The following GLDC variants were observed in gnomAD, a reference collection of about 807,000 sequenced individuals.
The protein encoded by GLDC is glycine decarboxylase.
In GLDC, 104 loss-of-function variants were observed where a neutral mutation model predicts 121.3. The ratio of observed to expected loss-of-function variants is 0.86; its 90% CI spans 0.73 to 1.01. The LOEUF is 1.01. GLDC is among the 50% of genes least tolerant of loss of function. The pLI, the probability that GLDC is intolerant of heterozygous loss-of-function variation, is 0.00. For missense variants in GLDC, 1,429 were observed against 1,306.6 expected (o/e 1.09, Z -1.44); for synonymous variants, 546 against 480.6 (o/e 1.14, Z -1.78).
intron 23 of GLDC, among the ~76,000 whole-genome samples, chr9:6,535,058 G>A (rs541744761): frequency 6.6e-5 from 10 of 152,054 alleles, no homozygotes; most frequent in Non-Finnish European, 2.9e-5. Flanking sequence ...TTACCTACAC[G>A]TTTGGTGCTG....
chr9:6,546,364 T>TA lies in GLDC; in HGVS notation c.2569+4438_2569+4439insT, dbSNP rs2129688853. The stretch of plus-strand genomic sequence containing the variant: ...TGCACCACCATGGTGGTTAATTTTT[T>TA]CTTTTTTTTTTTTTTTGGAAGAGAC... On this transcript the variant is annotated intron_variant, in intron 21 of 24. Coordinates refer to ENST00000321612, the MANE Select transcript of GLDC (RefSeq NM_000170.3). Among the ~76,000 whole-genome samples, 4 of 140,422 alleles carry TA rather than the reference T, an allele frequency of 2.8e-5. No individual in the cohort carries two copies. In the East Asian group the frequency reaches 1.0e-3, roughly 36 times the overall value. 92.1% of individuals were successfully genotyped at this position (140,422 alleles called of 152,430 possible). A position where few individuals can be genotyped will look rare whatever the true frequency, so the allele number is the denominator to read the frequency against.
chr9:6,606,546 G>A (rs753709412), intron 5 of GLDC, 46 bp downstream of exon 5: 10 of 1,059,726 alleles, frequency 9.4e-6, no homozygotes, highest in Non-Finnish European at 1.2e-5. Flanking sequence ...CAGCAGAGAT[G>A]AACATGACAT....
chr9:6,623,058 G>A (rs988958419), intron 2 of GLDC: 5 of 177,110 alleles, frequency 2.8e-5, no homozygotes, highest in South Asian at 1.7e-4. Context: ...CTGCCCCGCC[G>A]CCCCTACGGG....
chr9:6,576,596 A>G (rs1818070309), intron 15 of GLDC, among the ~76,000 whole-genome samples: 1 of 151,966 alleles, frequency 6.6e-6, no homozygotes, highest in African/African-American at 2.4e-5. Flanking sequence ...CCTCCCGAGT[A>G]GCTGGGATTA....
intron 14 of GLDC, among the ~76,000 whole-genome samples, chr9:6,587,968 G>A (rs890605058): frequency 3.3e-5 from 5 of 152,026 alleles, no homozygotes; most frequent in East Asian, 1.9e-4. Context: ...CCACAACAGC[G>A]AGTTGCACAA....
rs1224472502 is a variant in GLDC at position 6,558,237 on chromosome 9, T to C, written c.2052+322A>G. The C allele has an allele frequency of 5.2e-6, 3 of 579,394 alleles. No individual in the cohort carries two copies. The African/African-American group carries it at 5.6e-5, about 11-fold the overall frequency. 35.9% of individuals were successfully genotyped at this position (579,394 alleles called of 1,614,324 possible). On this transcript the variant is annotated intron_variant, in intron 17 of 24. Transcript: ENST00000321612. ...AATTCCTGACACGAAGATGTGTAAG[T>C]GTGACTGCCATTTTGATTATTAAGT...
At chr9:6,617,933 G>A (rs535411146) in intron 3 of GLDC, among the ~76,000 whole-genome samples, 9 of 152,182 alleles carry the variant, frequency 5.9e-5, no homozygotes, top group Non-Finnish European at 1.3e-4. Flanking sequence ...AGTAAAGTTG[G>A]TTTTTACATA....
At chr9:6,617,626 C>T (rs541530074) in intron 3 of GLDC, among the ~76,000 whole-genome samples, 1 of 152,180 alleles carries the variant, frequency 6.6e-6, no homozygotes, top group African/African-American at 2.4e-5. Context: ...TTTTCCTGTC[C>T]CCTTATTAAT....
chr9:6,542,483 C>CA (rs1375144244), intron 21 of GLDC: 1 of 152,178 alleles, frequency 6.6e-6, no homozygotes, highest in Non-Finnish European at 1.5e-5. Flanking sequence ...GTGATCCCCC[C>CA]ACCTCAGCCT....
At chr9:6,617,118 G>C (rs1291790392) in intron 3 of GLDC, among the ~76,000 whole-genome samples, 1 of 152,204 alleles carries the variant, frequency 6.6e-6, no homozygotes, top group African/African-American at 2.4e-5. Context: ...GAATTTGTTG[G>C]TTCCATCTCT....
intron 4 of GLDC, among the ~76,000 whole-genome samples, chr9:6,606,928 C>T (rs896287375): frequency 4.6e-5 from 7 of 151,940 alleles, no homozygotes; most frequent in Middle Eastern, 3.4e-3. Context: ...CAAAATTAGC[C>T]GGTGCATGCC....
chr9:6,577,400 T>C (rs892137009), intron 15 of GLDC, among the ~76,000 whole-genome samples: 1 of 152,200 alleles, frequency 6.6e-6, no homozygotes, highest in Non-Finnish European at 1.5e-5. Flanking sequence ...AGGGCAAGCT[T>C]CAAAGCCAAC....
intron 2 of GLDC, among the ~76,000 whole-genome samples, chr9:6,624,259 A>G (rs2773502): frequency 0.32 from 48,748 of 152,008 alleles, 8,287 homozygotes; most frequent in East Asian, 0.51. Flanking sequence ...GTACCTCTGA[A>G]TATAACCTTA....
chr9:6,579,945 G>A (rs1257426928), intron 15 of GLDC, among the ~76,000 whole-genome samples: 2 of 152,204 alleles, frequency 1.3e-5, no homozygotes, highest in Admixed American at 1.3e-4. Flanking sequence ...TTCAGCAGCA[G>A]AACCAGTCTG....
At chr9:6,584,565 T>A (rs1818231214) in intron 15 of GLDC, among the ~76,000 whole-genome samples, 1 of 152,242 alleles carries the variant, frequency 6.6e-6, no homozygotes, top group African/African-American at 2.4e-5. Context: ...CACTTATATA[T>A]GGAATATGTG....
chr9:6,538,418 T>C (rs1343283294), intron 22 of GLDC, among the ~76,000 whole-genome samples: 3 of 152,218 alleles, frequency 2.0e-5, no homozygotes, highest in African/African-American at 7.2e-5. Context: ...AGAAGCTGCG[T>C]GTTAAATATA....
At chr9:6,585,087 T>TC (rs1818241845) in intron 15 of GLDC, 1 of 152,178 alleles carries the variant, frequency 6.6e-6, no homozygotes, top group East Asian at 1.9e-4. Flanking sequence ...AGATTATGAT[T>TC]CAATCTGGGA....
At chr9:6,594,896 C>T in intron 9 of GLDC, 118 bp downstream of exon 9, 1 of 737,990 alleles carries the variant, frequency 1.4e-6, no homozygotes, top group South Asian at 1.5e-5. Context: ...AGTATTTTTC[C>T]TCGTTTCTCA....
chr9:6,580,719 T>G (rs549527374), intron 15 of GLDC, among the ~76,000 whole-genome samples: 1 of 152,214 alleles, frequency 6.6e-6, no homozygotes, highest in Admixed American at 6.5e-5. Context: ...TTGGCTTCTG[T>G]GCACATCAGG....
Sources: gnomAD v4.1 joint callset for allele counts (sites outside exome capture counted in the v4.1 genomes callset) on GRCh38, gnomAD v4.1.1 for gene constraint, MANE v1.5 for transcripts, NCBI Gene and HGNC (gene_info 2026-07-23, HGNC 2026-07-21) for gene names.